The following GFOD2 variants were observed in gnomAD, a reference collection of about 807,000 sequenced individuals.
The protein encoded by GFOD2 is Gfo/Idh/MocA-like oxidoreductase domain containing 2.
Under a neutral mutation model 24.6 loss-of-function variants are expected in GFOD2, and 9 were observed. The ratio of observed to expected loss-of-function variants is 0.37; its 90% CI spans 0.22 to 0.64. The LOEUF is 0.64. GFOD2 is among the 30% of genes least tolerant of loss of function. GFOD2 has a pLI of 0.65. For missense variants in GFOD2, 476 were observed against 532.5 expected (o/e 0.89, Z 1.04); for synonymous variants, 211 against 224.8 (o/e 0.94, Z 0.55).
intron 1 of GFOD2, among the ~76,000 whole-genome samples, chr16:67,715,964 C>A (rs768708880): frequency 6.6e-6 from 1 of 152,156 alleles, no homozygotes; most frequent in Non-Finnish European, 1.5e-5. Context: ...GCTGTGATCA[C>A]GCCACTGTAC....
intron 1 of GFOD2, among the ~76,000 whole-genome samples, chr16:67,694,987 CTTTTTTTTTTT>C (rs542893576): frequency 1.6e-5 from 2 of 121,574 alleles, no homozygotes; most frequent in Non-Finnish European, 1.7e-5. Flanking sequence ...CCATCTCTCT[CTTTTTTTTTTT>C]TTTTTTTTTT....
At chr16:67,714,926 T>G (rs2053497129) in intron 1 of GFOD2, among the ~76,000 whole-genome samples, 1 of 152,198 alleles carries the variant, frequency 6.6e-6, no homozygotes, top group Non-Finnish European at 1.5e-5. Context: ...TGACAGTACC[T>G]TGGACAAAAA....
chr16:67,707,560 C>CA (rs1258892261), intron 1 of GFOD2, among the ~76,000 whole-genome samples: 1 of 151,752 alleles, frequency 6.6e-6, no homozygotes, highest in African/African-American at 2.4e-5. Flanking sequence ...CATAAGTCCA[C>CA]AAAAAAAATT....
chr16:67,701,503 A>C (rs185427226), intron 1 of GFOD2, among the ~76,000 whole-genome samples: 1 of 152,228 alleles, frequency 6.6e-6, no homozygotes, highest in African/African-American at 2.4e-5. Flanking sequence ...CCCTACTTAA[A>C]GGCACCATAC....
In GFOD2 at chr16:67,675,744, G is replaced by C. The variant is rs374671553; in HGVS notation, c.569C>G (p.Thr190Ser). The C allele has an allele frequency of 1.2e-6, 2 of 1,614,116 alleles. No homozygotes were observed. Among genetic ancestry groups the C allele is most frequent in the South Asian group, 2.2e-5 (2 of 91,088 alleles). ...GTGCACCTTCTCGGCTCTCCGGCCGGTCAGGTGGGTCAGCAGGTCCACAAT... is the reference window on the plus strand; with the variant it reads ...GTGCACCTTCTCGGCTCTCCGGCCGCTCAGGTGGGTCAGCAGGTCCACAAT... The part of the protein sequence containing the change: ...TYIVDLLTHL[T>S]GRRAEKVHGL... The change falls in exon 3 of 3, where the codon ACC becomes AGC. Residue 190 changes from threonine (T) to serine (S), a missense_variant. Transcript: ENST00000268797.
intron 1 of GFOD2, among the ~76,000 whole-genome samples, chr16:67,709,617 T>C (rs1456953931): frequency 1.3e-5 from 2 of 152,122 alleles, no homozygotes; most frequent in Non-Finnish European, 2.9e-5. Flanking sequence ...AGGATATAAA[T>C]TAGCCTTATT....
At chr16:67,690,251 G>C (rs759299422) in intron 1 of GFOD2, among the ~76,000 whole-genome samples, 1 of 152,302 alleles carries the variant, frequency 6.6e-6, no homozygotes, top group South Asian at 2.1e-4. Context: ...CCACCATACT[G>C]TTTTCCACAG....
At chr16:67,678,281 A>G (rs1597789950) in intron 2 of GFOD2, among the ~76,000 whole-genome samples, 1 of 152,162 alleles carries the variant, frequency 6.6e-6, no homozygotes, top group Admixed American at 6.5e-5. Flanking sequence ...GTTTGAGACC[A>G]GCCTAACTAG....
chr16:67,674,800 A>G lies in GFOD2; in HGVS notation c.*355T>C, dbSNP rs899760369. On this transcript the variant is annotated 3_prime_UTR_variant, in exon 3 of 3. Transcript: ENST00000268797. ...TTCTCATCATTTCTCCTCAGGCCTC[A>G]GCCGAGCTGGCCCCTCTTGTGCTTT... The G allele has an allele frequency of 2.7e-5, 6 of 226,036 alleles. No individual in the cohort carries two copies. The South Asian group carries it at 5.8e-4, about 22-fold the overall frequency. The allele number at this position is 226,036 out of a possible 1,614,324, so 14.0% of individuals were successfully genotyped here. A position where few individuals can be genotyped will look rare whatever the true frequency, so the allele number is the denominator to read the frequency against.
chr16:67,703,505 T>C (rs998315406), intron 1 of GFOD2, among the ~76,000 whole-genome samples: 2 of 152,098 alleles, frequency 1.3e-5, no homozygotes, highest in Non-Finnish European at 2.9e-5. Flanking sequence ...ATAGAAGGTA[T>C]AGTTTGGCAG....
At chr16:67,682,647 T>A (rs1237090431) in intron 2 of GFOD2, 1 of 985,204 alleles carries the variant, frequency 1.0e-6, no homozygotes, top group East Asian at 1.1e-4. Flanking sequence ...TGAAAAGTAT[T>A]ATCTCTGGAA....
chr16:67,684,854 C>T, intron 2 of GFOD2: 1 of 989,360 alleles, frequency 1.0e-6, no homozygotes. Flanking sequence ...AGGCCATGCC[C>T]AGTCAGGGGC....
chr16:67,710,197 C>T (rs998432961), intron 1 of GFOD2, among the ~76,000 whole-genome samples: 3 of 152,028 alleles, frequency 2.0e-5, no homozygotes, highest in African/African-American at 7.3e-5. Context: ...GCGATCATAG[C>T]TTACTGTAGC....
At chr16:67,681,042 G>A in intron 2 of GFOD2, 1 of 985,484 alleles carries the variant, frequency 1.0e-6, no homozygotes, top group Non-Finnish European at 1.2e-6. Flanking sequence ...TGCTTCTGGA[G>A]GGTCTCCAGT....
chr16:67,682,397 C>T lies in GFOD2; in HGVS notation c.259+3060G>A, dbSNP rs558811044. ...GCCAAGAATTGGGCACAGAAGCCCA[C>T]CTTTTAGTGACAGACTTAAGAAAAC... is the stretch of plus-strand genomic sequence containing the variant. On this transcript the variant is annotated intron_variant, in intron 2 of 2. Transcript: ENST00000268797. 39 of 985,404 alleles carry T rather than the reference C, an allele frequency of 4.0e-5. No homozygotes were observed. The African/African-American group carries it at 6.3e-4, about 16-fold the overall frequency. The allele number at this position is 985,404 out of a possible 1,614,324, so 61.0% of individuals were successfully genotyped here.
At chr16:67,693,930 A>T (rs1660794222) in intron 1 of GFOD2, among the ~76,000 whole-genome samples, 1 of 151,922 alleles carries the variant, frequency 6.6e-6, no homozygotes, top group Admixed American at 6.6e-5. Flanking sequence ...TGTCTCAAAA[A>T]CAAAAAACAA....
chr16:67,693,101 C>G (rs1567657739), intron 1 of GFOD2, among the ~76,000 whole-genome samples: 1 of 151,960 alleles, frequency 6.6e-6, no homozygotes, highest in Non-Finnish European at 1.5e-5. Flanking sequence ...AAATAAAAAG[C>G]TTGCATTTCA....
intron 1 of GFOD2, among the ~76,000 whole-genome samples, chr16:67,687,467 T>A (rs921279965): frequency 6.6e-5 from 10 of 151,354 alleles, no homozygotes; most frequent in African/African-American, 2.2e-4. Flanking sequence ...AGTGAAACCC[T>A]GTCTCTACTA....
intron 1 of GFOD2, among the ~76,000 whole-genome samples, chr16:67,699,955 C>T (rs2053389800): frequency 6.6e-6 from 1 of 151,990 alleles, no homozygotes; most frequent in Admixed American, 6.6e-5. Flanking sequence ...GTGGCACACA[C>T]CTGTGGCTAC....
Sources: gnomAD v4.1 joint callset for allele counts (sites outside exome capture counted in the v4.1 genomes callset) on GRCh38, gnomAD v4.1.1 for gene constraint, MANE v1.5 for transcripts, NCBI Gene and HGNC (gene_info 2026-07-23, HGNC 2026-07-21) for gene names.